The following NBPF9 variants were observed in gnomAD, a reference collection of about 807,000 sequenced individuals.
NBPF9 encodes the protein NBPF member 9.
NBPF9 carries 91 observed loss-of-function variants against 97.8 expected under a neutral mutation model. The observed-to-expected ratio is 0.93, with a 90% CI of 0.79 to 1.11. The LOEUF (loss-of-function observed/expected upper bound fraction) is 1.11. Ranked by LOEUF, NBPF9 falls within the 50% of genes least tolerant of loss-of-function variation. The probability of loss-of-function intolerance (pLI) is 0.00; values close to 1 mark genes in which losing one functional copy is unlikely to be tolerated. For synonymous variants in NBPF9, 334 were observed against 359.5 expected (o/e 0.93, Z 0.80); for missense variants, 992 against 939.5 (o/e 1.06, Z -0.73).
chr1:149,055,950 C>A (rs2078196942), intron 29 of NBPF9, 51 bp from the exon 30 acceptor site: 6 of 1,611,588 alleles, frequency 3.7e-6, no homozygotes, highest in East Asian at 4.5e-5. Flanking sequence ...TCAGACACCA[C>A]AGAGCCCCAC....
At chr1:149,100,898 C>A (rs1477039862) in intron 3 of NBPF9, among the ~76,000 whole-genome samples, 2 of 149,796 alleles carry the variant, frequency 1.3e-5, no homozygotes, top group Non-Finnish European at 3.0e-5. Flanking sequence ...CCTGCCACGG[C>A]ACTCTAGCCT....
At chr1:149,082,422 G>A in exon 6 of NBPF9, 1 of 940,696 alleles carries the variant, frequency 1.1e-6, no homozygotes, top group Non-Finnish European at 1.6e-6. Flanking sequence ...CAGCGTGCCA[G>A]GTAACCGTCT....
exon 30 of NBPF9, chr1:149,055,700 T>G: frequency 3.7e-6 from 6 of 1,611,886 alleles, no homozygotes; most frequent in Non-Finnish European, 5.1e-6. Context: ...AGGTGGAGAC[T>G]TGTCACCGTC....
rs1407533104 is a variant in NBPF9 at position 149,072,707 on chromosome 1, G to A, written c.1306+11C>T. 10 of 1,611,496 alleles carry A rather than the reference G, an allele frequency of 6.2e-6. No individual in the cohort carries two copies. The highest frequency in any genetic ancestry group is 2.2e-5 in the East Asian group (1 of 44,844). On this transcript the variant is annotated intron_variant, in intron 14 of 29. Coordinates refer to ENST00000584027, the Ensembl canonical transcript of NBPF9. ...GGGGTTTTGGGTCAACAGGGCCTATGGCCACCTTACCTGGGCTGAGCTTTT... is the reference window on the plus strand; with the variant it reads ...GGGGTTTTGGGTCAACAGGGCCTATAGCCACCTTACCTGGGCTGAGCTTTT...
intron 5 of NBPF9, among the ~76,000 whole-genome samples, chr1:149,087,410 T>A (rs190420819): frequency 1.1e-4 from 16 of 151,296 alleles, no homozygotes; most frequent in African/African-American, 3.9e-4. Flanking sequence ...TAGACATACA[T>A]GTGAGTATCT....
chr1:149,088,232 T>C (rs1365233908), intron 5 of NBPF9, among the ~76,000 whole-genome samples: 64 of 151,750 alleles, frequency 4.2e-4, no homozygotes, highest in Admixed American at 7.9e-4. Context: ...TATACAGAAA[T>C]ACAAAAGACC....
chr1:149,055,804 G>A, exon 30 of NBPF9: 1 of 1,611,012 alleles, frequency 6.2e-7, no homozygotes, highest in Non-Finnish European at 8.5e-7. Flanking sequence ...GAATGAGTCA[G>A]GTAGTTCAAA....
Position 149,067,318 on chromosome 1 carries a change from A to G in NBPF9, c.1638-1629T>C, listed in dbSNP as rs1317417498. Among the ~76,000 whole-genome samples the G allele has an allele frequency of 6.6e-5, 8 of 120,952 alleles. 1 individual carries two copies. The highest frequency in any genetic ancestry group is 2.4e-4 in the Admixed American group (3 of 12,298). The allele number at this position is 120,952 out of a possible 152,430, so 79.3% of individuals were successfully genotyped here. On this transcript the variant is annotated intron_variant, in intron 17 of 29. Coordinates refer to ENST00000584027, the Ensembl canonical transcript of NBPF9. ...TGTGTGTATGTGTATATATATATAT[A>G]TATTTTTAATACTTTAAGTCTTAGG...
intron 29 of NBPF9, among the ~76,000 whole-genome samples, chr1:149,056,216 T>C: frequency 6.7e-6 from 1 of 148,570 alleles, no homozygotes; most frequent in East Asian, 2.1e-4. Flanking sequence ...CACAGCAAAC[T>C]GTGATCATGA....
At position 149,073,758 on chromosome 1, in the gene NBPF9, G is replaced by T. The variant is rs1403109818; in HGVS notation, c.1091+10C>A. 1 of 1,579,946 alleles carries T rather than the reference G, an allele frequency of 6.3e-7. No individual in the cohort carries two copies. Among genetic ancestry groups the T allele is most frequent in the South Asian group, 1.1e-5 (1 of 89,844 alleles). On this transcript the variant is annotated intron_variant, in intron 13 of 29. Coordinates refer to ENST00000584027, the Ensembl canonical transcript of NBPF9. The stretch of plus-strand genomic sequence containing the variant: ...CTGCCCCCCTGCCTGCCCCCATGGG[G>T]TCCCCTCACCTGAGCTCCTCAGCTT...
intron 12 of NBPF9, among the ~76,000 whole-genome samples, chr1:149,074,112 A>G (rs1553653700): frequency 6.6e-6 from 1 of 151,354 alleles, no homozygotes; most frequent in African/African-American, 2.4e-5. Context: ...AAGATGATTC[A>G]ACCACAACGA....
intron 9 of NBPF9, among the ~76,000 whole-genome samples, chr1:149,078,736 C>T (rs2080127796): frequency 7.2e-6 from 1 of 138,620 alleles, no homozygotes; most frequent in African/African-American, 2.7e-5. Context: ...CCATCACAGC[C>T]TCCTTCCTGT....
intron 5 of NBPF9, among the ~76,000 whole-genome samples, chr1:149,087,828 CTTTTT>C (rs60084667): frequency 7.9e-5 from 7 of 88,554 alleles, no homozygotes; most frequent in Admixed American, 1.2e-4. Context: ...GTTGACTTTC[CTTTTT>C]TTTTTTTTTT....
At position 149,072,971 on chromosome 1, in the gene NBPF9, G is replaced by C. The variant is rs781802169; in HGVS notation, c.1092-39C>G. On this transcript the variant is annotated intron_variant, in intron 13 of 29. Transcript: ENST00000584027. Reference sequence around the variant, plus strand: ...GTAGAGAAAAATTAAGAGTGGAAAGGGTTGAGTGATCCGCTCAAATATTGC... The same window carrying C: ...GTAGAGAAAAATTAAGAGTGGAAAGCGTTGAGTGATCCGCTCAAATATTGC... The C allele has an allele frequency of 1.6e-4, 263 of 1,594,220 alleles. 11 individuals are homozygous for C. In the Middle Eastern group the frequency reaches 2.7e-3, roughly 17 times the overall value.
chr1:149,077,828 C>A lies in NBPF9; in HGVS notation c.566+55G>T, dbSNP rs1553655012. 4 of 1,596,664 alleles carry A rather than the reference C, an allele frequency of 2.5e-6. No homozygotes were observed. In the South Asian group the frequency reaches 4.4e-5, roughly 18 times the overall value. On this transcript the variant is annotated intron_variant, in intron 10 of 29. Coordinates refer to ENST00000584027, the Ensembl canonical transcript of NBPF9. ...ATAGATGCCAGAGAGGGTGTGCCTC[C>A]TAGACATCTTCATATGTTACCACCC...
At chr1:149,070,068 ATC>A (rs1443694690) in intron 16 of NBPF9, among the ~76,000 whole-genome samples, 2 of 132,536 alleles carry the variant, frequency 1.5e-5, no homozygotes, top group Non-Finnish European at 3.2e-5. Context: ...TTTAAAAAGA[ATC>A]TGTGATTTGG....
chr1:149,103,494 C>T (rs587692507), exon 1 of NBPF9: 1 of 152,318 alleles, frequency 6.6e-6, no homozygotes, highest in Non-Finnish European at 1.5e-5. Context: ...CTGTCTCAAC[C>T]GCCGCCCAGC....
In NBPF9 at chr1:149,061,500, T is replaced by C. The variant is rs1478495864; in HGVS notation, c.2252-117A>G. ...GCTCCTCAGCATGAGCACAGGACAA[T>C]GTGACAGATATACTTCAGGAAGCCT... On this transcript the variant is annotated intron_variant, in intron 22 of 29. Transcript: ENST00000584027. The C allele has an allele frequency of 1.2e-4, 57 of 485,784 alleles. 12 individuals carry two copies. The East Asian group carries it at 2.2e-3, about 18-fold the overall frequency. 30.1% of individuals were successfully genotyped at this position (485,784 alleles called of 1,614,324 possible). A position where few individuals can be genotyped will look rare whatever the true frequency, so the allele number is the denominator to read the frequency against.
At position 149,071,597 on chromosome 1, in the gene NBPF9, G is replaced by C. The variant is rs1553652933; in HGVS notation, c.1379+7C>G. Reference sequence around the variant, plus strand: ...TCCATTAATTGTTCCTGAGTATTCAGTGTTACCTGGGGGCAGACGATTTCT... The same window carrying C: ...TCCATTAATTGTTCCTGAGTATTCACTGTTACCTGGGGGCAGACGATTTCT... On this transcript the variant is annotated splice_region_variant and intron_variant, in intron 15 of 29. Transcript: ENST00000584027. The C allele has an allele frequency of 4.7e-6, 6 of 1,263,446 alleles. No individual in the cohort carries two copies. Among genetic ancestry groups the C allele is most frequent in the Non-Finnish European group, 6.7e-6 (6 of 896,102 alleles). The allele number at this position is 1,263,446 out of a possible 1,614,324, so 78.3% of individuals were successfully genotyped here. A position where few individuals can be genotyped will look rare whatever the true frequency, so the allele number is the denominator to read the frequency against.
Sources: gnomAD v4.1 joint callset for allele counts (sites outside exome capture counted in the v4.1 genomes callset) on GRCh38, gnomAD v4.1.1 for gene constraint, MANE v1.5 for transcripts, NCBI Gene and HGNC (gene_info 2026-07-23, HGNC 2026-07-21) for gene names.